NEB: variants seen among roughly 807,000 people sequenced by gnomAD.
NEB encodes nemaline myopathy type 2.
Under a neutral mutation model 952.2 loss-of-function variants are expected in NEB, and 512 were observed. The ratio of observed to expected loss-of-function variants is 0.54; its 90% confidence interval spans 0.50 to 0.58. The LOEUF is 0.58. NEB is among the 20% of genes least tolerant of loss of function. The pLI is 0.00. For synonymous variants in NEB, 2,900 were observed against 3,149.8 expected, an observed-to-expected ratio of 0.92 and a Z score of 2.66; for missense variants, 8,428 against 9,231.1, an observed-to-expected ratio of 0.91 and a Z score of 3.56.
At chr2:151,613,193 A>C (rs2098068777) in intron 77 of NEB, among the ~76,000 whole-genome samples, 1 of 152,186 alleles carries the variant, frequency 6.6e-6, no homozygotes, top group South Asian at 2.1e-4. Flanking sequence ...GTAATATTTG[A>C]GTCTCCAAAG....
rs759036441 is a variant in NEB, at chr2:151,724,941, A to G, written c.423T>C (p.Gly141=). 6.2e-7 allele frequency: 1 copy of G among 1,613,686 alleles called. No individual in the cohort carries two copies. Among genetic ancestry groups the G allele is most frequent in the Non-Finnish European group, 8.5e-7 (1 of 1,179,782 alleles). ...QLSEVKYRMD[G]DVAKTICHVD... ...CGTGACATATAGTCTTAGCAACATC[A>G]CCATCCATTCGATACTTAACCTGCC... The change falls in exon 7 of 182, where the codon GGT becomes GGC. Residue 141 remains glycine, a synonymous_variant. Coordinates refer to ENST00000397345, the MANE Select transcript of NEB (RefSeq NM_001164508.2).
At chr2:151,659,658 G>C (rs952205951) in intron 46 of NEB, among the ~76,000 whole-genome samples, 2 of 151,838 alleles carry the variant, frequency 1.3e-5, no homozygotes, top group African/African-American at 4.9e-5. Flanking sequence ...GAGGATGTAA[G>C]ATGGAAAGTA....
At chr2:151,561,407 G>A (rs908674996) in intron 121 of NEB, 95 bp from the exon 122 acceptor site, 2 of 831,218 alleles carry the variant, frequency 2.4e-6, no homozygotes, top group Non-Finnish European at 3.9e-6. Flanking sequence ...CTTTATTTCT[G>A]GATTTCTGCT....
chr2:151,546,468 G>A, intron 133 of NEB, 25 bp from the exon 134 acceptor site: 6 of 1,471,558 alleles, frequency 4.1e-6, no homozygotes, highest in Non-Finnish European at 5.7e-6. Context: ...CAGAAATATA[G>A]CTGGTCATAA....
rs749915004 is a variant in NEB, at chr2:151,617,472, CAAAA to C, written c.11077-8_11077-5del. The C allele has an allele frequency of 9.5e-4, 774 of 813,936 alleles. No individual in the cohort carries two copies. Among genetic ancestry groups the C allele is most frequent in the South Asian group, 2.1e-3 (80 of 39,012 alleles). The allele number at this position is 813,936 out of a possible 1,614,324, so 50.4% of individuals were successfully genotyped here. A position where few individuals can be genotyped will look rare whatever the true frequency, so the allele number is the denominator to read the frequency against. On this transcript the variant is annotated splice_region_variant and splice_polypyrimidine_tract_variant and intron_variant, in intron 74 of 181. Transcript: ENST00000397345. ...CCCAGGCTTCAGTATATAAGCGCTACAAAAAAAAAAAAAAAAGAGAGAGAGAGAG... is the reference window on the plus strand; with the variant it reads ...CCCAGGCTTCAGTATATAAGCGCTACAAAAAAAAAAAAGAGAGAGAGAGAG...
rs191833711 is a variant in NEB, at chr2:151,708,669, C to G, written c.1035+987G>C. On this transcript the variant is annotated intron_variant, in intron 12 of 181. Transcript: ENST00000397345. ...TTTCCATATATCTCCCCTGAAACTT[C>G]AGGCTCATGTAGTCGACTGACCTCT... 1.8e-3 allele frequency among the ~76,000 whole-genome samples: 279 copies of G among 152,302 alleles called. 2 individuals are homozygous for G. The highest frequency in any genetic ancestry group is 6.6e-3 in the African/African-American group (273 of 41,560).
At chr2:151,518,746 A>AT (rs1476142455) in intron 155 of NEB, among the ~76,000 whole-genome samples, 2 of 152,174 alleles carry the variant, frequency 1.3e-5, no homozygotes, top group Non-Finnish European at 2.9e-5. Context: ...AAGTTTAAAT[A>AT]TTTTTTAAAA....
chr2:151,723,404 T>C lies in NEB; in HGVS notation c.695A>G (p.Gln232Arg). ...NDSPELRRVAQAQKALSDVAY... is the reference protein window; with the variant it reads ...NDSPELRRVARAQKALSDVAY... The stretch of plus-strand genomic sequence containing the variant: ...TACATCACTGAGAGCTTTCTGGGCC[T>C]GGGCAACTCTCCTCAGTTCCGGGCT... Residue 232 changes from glutamine (Q) to arginine (R), a missense_variant, in exon 9 of 182, where the codon CAG (glutamine) becomes CGG (arginine). This residue lies in a region of NEB where 2,851 missense variants were observed against 2,791.5 expected (regional missense o/e 1.02). Transcript: ENST00000397345. 2 of 1,609,272 alleles carry C rather than the reference T, an allele frequency of 1.2e-6. No individual in the cohort carries two copies. The highest frequency in any genetic ancestry group is 1.7e-6 in the Non-Finnish European group (2 of 1,177,780).
chr2:151,697,657 G>A lies in NEB; in HGVS notation c.1153-9C>T. On this transcript the variant is annotated splice_polypyrimidine_tract_variant and intron_variant, in intron 13 of 181. Transcript: ENST00000397345. ...TTTTCCTTGTATAGTTTCTGTCAAA[G>A]AAAAAAAATTCAGTTAAAGTAGATT... 6.3e-7 allele frequency: 1 copy of A among 1,580,650 alleles called. No homozygotes were observed. The highest frequency in any genetic ancestry group is 8.6e-7 in the Non-Finnish European group (1 of 1,164,302).
intron 63 of NEB, among the ~76,000 whole-genome samples, chr2:151,637,376 G>T (rs1411516948): frequency 6.6e-6 from 1 of 152,184 alleles, no homozygotes; most frequent in African/African-American, 2.4e-5. Flanking sequence ...GAAGGAAGTG[G>T]GTGAGGCCCC....
chr2:151,553,173 C>T (rs963567146), intron 127 of NEB, among the ~76,000 whole-genome samples: 4 of 152,142 alleles, frequency 2.6e-5, no homozygotes, highest in African/African-American at 7.2e-5. Flanking sequence ...AGAGAAGATG[C>T]TGGTCCCTTC....
intron 21 of NEB, 34 bp downstream of exon 21, chr2:151,692,227 C>G: frequency 1.2e-6 from 2 of 1,604,398 alleles, no homozygotes; most frequent in Non-Finnish European, 1.7e-6. Context: ...TAGGAAAGCC[C>G]TCCTACCCGA....
Position 151,503,213 on chromosome 2 carries a change from T to TAAA in NEB, c.23835+135_23835+136insTTT, listed in dbSNP as rs1304606989. 8 of 648,352 alleles carry TAAA rather than the reference T, an allele frequency of 1.2e-5. No individual in the cohort carries two copies. The African/African-American group carries it at 1.3e-4, about 11-fold the overall frequency. The allele number at this position is 648,352 out of a possible 1,614,324, so 40.2% of individuals were successfully genotyped here. On this transcript the variant is annotated intron_variant, in intron 166 of 181. Coordinates refer to ENST00000397345, the MANE Select transcript of NEB (RefSeq NM_001164508.2). ...GAGTCATTTTGTATTAACATAATTTTGGTCAGGTAATAATACACAACACAC... is the reference window on the plus strand; with the variant it reads ...GAGTCATTTTGTATTAACATAATTTTAAAGGTCAGGTAATAATACACAACACAC...
At chr2:151,507,983 C>G (rs1176715802) in intron 162 of NEB, 22 bp downstream of exon 162, 1 of 1,559,670 alleles carries the variant, frequency 6.4e-7, no homozygotes, top group East Asian at 2.3e-5. Context: ...TGGGCTGTGC[C>G]TTACATTTAA....
intron 119 of NEB, 146 bp from the exon 120 acceptor site, chr2:151,562,954 T>TTA (rs139682001): frequency 7.6e-5 from 19 of 249,466 alleles, no homozygotes; most frequent in African/African-American, 2.5e-4. Context: ...TCTTTATACT[T>TTA]TATATATATA....
At chr2:151,557,224 A>T (rs1559894921) in intron 124 of NEB, among the ~76,000 whole-genome samples, 1 of 152,260 alleles carries the variant, frequency 6.6e-6, no homozygotes, top group Non-Finnish European at 1.5e-5. Context: ...CTACCATCAG[A>T]GAATACTATA....
rs775831779 is a variant in NEB at position 151,687,544 on chromosome 2, T to A, written c.2524-12A>T. ...TTCTTGTACATCACCTGCAAAGACATCACACATGCCAGATCCCACTCACCA... is the reference window on the plus strand; with the variant it reads ...TTCTTGTACATCACCTGCAAAGACAACACACATGCCAGATCCCACTCACCA... On this transcript the variant is annotated splice_polypyrimidine_tract_variant and intron_variant, in intron 26 of 181. Transcript: ENST00000397345. 2 of 1,612,568 alleles carry A rather than the reference T, an allele frequency of 1.2e-6. No homozygotes were observed. The highest frequency in any genetic ancestry group is 1.1e-5 in the South Asian group (1 of 91,048).
intron 110 of NEB, 35 bp downstream of exon 110, chr2:151,569,233 A>G (rs986034234): frequency 2.5e-5 from 38 of 1,546,510 alleles, no homozygotes; most frequent in Non-Finnish European, 3.3e-5. Context: ...TTTCTTGGGA[A>G]ATGTACTGAA....
chr2:151,614,398 C>T lies in NEB; in HGVS notation c.11479G>A (p.Ala3827Thr), dbSNP rs1404351594. 8 of 1,613,846 alleles carry T rather than the reference C, an allele frequency of 5.0e-6. No individual in the cohort carries two copies. The East Asian group carries it at 1.6e-4, about 31-fold the overall frequency. ...SPVDMLGVVLAKKCQILVSDI... is the reference protein window; with the variant it reads ...SPVDMLGVVLTKKCQILVSDI... ...CTTACAAGGATCTGACACTTCTTGG[C>T]CAGCACCACCCCCAGCATGTCCACT... The change falls in exon 77 of 182, where the codon GCC becomes ACC. Residue 3827 changes from alanine (A) to threonine (T), a missense_variant. Physicochemically the swap from Ala to Thr is moderately conservative, Grantham distance 58 (BLOSUM62 0). Coordinates refer to ENST00000397345, the MANE Select transcript of NEB (RefSeq NM_001164508.2).
Sources: allele counts gnomAD v4.1 joint callset (sites outside exome capture counted in the v4.1 genomes callset), GRCh38; gene constraint gnomAD v4.1.1; regional missense constraint gnomAD v4.1.1; transcripts MANE v1.5; gene names NCBI Gene and HGNC (gene_info 2026-07-23, HGNC 2026-07-21).